Variants in NXPE4 observed in about 807,000 individuals in gnomAD.
The protein encoded by NXPE4 is neurexophilin and PC-esterase domain family member 4.
NXPE4 carries 42 observed loss-of-function variants against 33.3 expected under a neutral mutation model. That is an observed-to-expected ratio of 1.26 (90% confidence interval 0.98 to 1.63). The LOEUF (loss-of-function observed/expected upper bound fraction) is 1.63. NXPE4 is among the 40% of genes most tolerant of loss of function. The pLI, the probability that NXPE4 is intolerant of heterozygous loss-of-function variation, is 0.00. For synonymous variants in NXPE4, 253 were observed against 234.9 expected (o/e 1.08, Z -0.71); for missense variants, 709 against 647.6 (o/e 1.09, Z -1.03).
chr11:114,609,692 G>A, the NXPE4 span, among the ~76,000 whole-genome samples: 31 of 148,802 alleles, frequency 2.1e-4, no homozygotes, highest in African/African-American at 7.2e-4. Context: ...ATTTCCTCAT[G>A]GGTAACCACT....
chr11:114,621,688 G>T, the NXPE4 span, among the ~76,000 whole-genome samples: 1 of 152,064 alleles, frequency 6.6e-6, no homozygotes, highest in South Asian at 2.1e-4. Flanking sequence ...ATGCCTCATT[G>T]GTAACCACTG....
the NXPE4 span, among the ~76,000 whole-genome samples, chr11:114,631,127 G>T: frequency 2.0e-5 from 3 of 151,966 alleles, no homozygotes; most frequent in East Asian, 5.8e-4. Context: ...GATTCTCAGG[G>T]ATCTAGAACT....
the NXPE4 span, among the ~76,000 whole-genome samples, chr11:114,630,094 G>T: frequency 2.0e-5 from 3 of 151,348 alleles, no homozygotes; most frequent in African/African-American, 7.3e-5. Flanking sequence ...TGGCCATACT[G>T]CCCAAGGTAA....
chr11:114,670,097 C>A, the NXPE4 span, among the ~76,000 whole-genome samples: 1 of 151,988 alleles, frequency 6.6e-6, no homozygotes, highest in Non-Finnish European at 1.5e-5. Flanking sequence ...TCAAAAACTG[C>A]CCCTCAAAGG....
intron 2 of NXPE4, among the ~76,000 whole-genome samples, chr11:114,585,754 C>A (rs184413746): frequency 7.8e-4 from 119 of 152,172 alleles, no homozygotes; most frequent in Non-Finnish European, 1.1e-3. Flanking sequence ...AAGGAGCCCC[C>A]AAATCATTTC....
the NXPE4 span, among the ~76,000 whole-genome samples, chr11:114,669,280 A>T: frequency 6.6e-6 from 1 of 152,100 alleles, no homozygotes; most frequent in Non-Finnish European, 1.5e-5. Flanking sequence ...TCTATATCTC[A>T]GTTAGAATGG....
chr11:114,658,633 C>T, the NXPE4 span, among the ~76,000 whole-genome samples: 1 of 152,120 alleles, frequency 6.6e-6, no homozygotes, highest in Non-Finnish European at 1.5e-5. Flanking sequence ...ATGAAGATCC[C>T]TGTGGTTGGG....
At chr11:114,639,517 T>C in the NXPE4 span, among the ~76,000 whole-genome samples, 59,201 of 150,934 alleles carry the variant, frequency 0.39, 12,291 homozygotes, top group African/African-American at 0.5. Flanking sequence ...GAGATGAACC[T>C]GGTACCTCAG....
upstream of NXPE4, among the ~76,000 whole-genome samples, chr11:114,599,285 C>T (rs112643732): frequency 6.6e-6 from 1 of 152,300 alleles, no homozygotes; most frequent in East Asian, 1.9e-4. Context: ...TCCTCATCTC[C>T]TTCTGAGACC....
Position 114,571,451 on chromosome 11 carries a change from A to G in NXPE4, c.1122T>C (p.His374=). ...SINTLKSVDL[H]ESGKLQHQLA... ...GCTGGTGTTGCAATTTTCCAGATTC[A>G]TGCAGATCCACTGACTTCAGTGCTG... Residue 374 remains histidine (H), a synonymous_variant, in exon 6 of 6, where the codon CAT becomes CAC. Coordinates refer to ENST00000375478, the MANE Select transcript of NXPE4 (RefSeq NM_001077639.2). 4 of 1,608,988 alleles carry G rather than the reference A, an allele frequency of 2.5e-6. No homozygotes were observed. Among genetic ancestry groups the G allele is most frequent in the Non-Finnish European group, 3.4e-6 (4 of 1,176,088 alleles).
At chr11:114,597,906 C>T (rs998191786), upstream of NXPE4, among the ~76,000 whole-genome samples, 2 of 152,106 alleles carry the variant, frequency 1.3e-5, no homozygotes, top group South Asian at 4.1e-4. Context: ...TTTCAAAATA[C>T]AATCATGCCT....
the NXPE4 span, among the ~76,000 whole-genome samples, chr11:114,627,200 C>T: frequency 1.3e-4 from 20 of 151,492 alleles, no homozygotes; most frequent in South Asian, 2.1e-4. Context: ...GAAGAGCAAC[C>T]CCAAGACACA....
chr11:114,616,626 C>T, the NXPE4 span, among the ~76,000 whole-genome samples: 1 of 140,132 alleles, frequency 7.1e-6, no homozygotes, highest in Non-Finnish European at 1.6e-5. Flanking sequence ...CCACAGTTAC[C>T]CACTGGATAA....
intron 2 of NXPE4, 76 bp from the exon 3 acceptor site, chr11:114,583,097 A>G (rs1949194932): frequency 6.9e-7 from 1 of 1,440,248 alleles, no homozygotes; most frequent in African/African-American, 1.4e-5. Flanking sequence ...GAAGTGTAAC[A>G]TGCTATGAAA....
chr11:114,598,511 A>G (rs1306774791), upstream of NXPE4, among the ~76,000 whole-genome samples: 1 of 152,238 alleles, frequency 6.6e-6, no homozygotes, highest in Admixed American at 6.5e-5. Context: ...CTGCCTGGAC[A>G]TATAGGCTTT....
upstream of NXPE4, among the ~76,000 whole-genome samples, chr11:114,599,090 T>C (rs193185547): frequency 1.6e-4 from 24 of 152,278 alleles, 1 homozygote; most frequent in Middle Eastern, 0.014. Context: ...CATACGAGCA[T>C]AGGTTGTTAA....
chr11:114,646,439 T>C, the NXPE4 span, among the ~76,000 whole-genome samples: 1 of 152,128 alleles, frequency 6.6e-6, no homozygotes, highest in South Asian at 2.1e-4. Context: ...TTTTCTGTTA[T>C]GAAAACATTC....
At chr11:114,628,302 G>T in the NXPE4 span, among the ~76,000 whole-genome samples, 3 of 151,482 alleles carry the variant, frequency 2.0e-5, no homozygotes, top group African/African-American at 7.3e-5. Context: ...TAAAAGAACA[G>T]AAATTATAAC....
At chr11:114,574,383 A>G (rs1046656456) in intron 5 of NXPE4, among the ~76,000 whole-genome samples, 2 of 152,098 alleles carry the variant, frequency 1.3e-5, no homozygotes, top group Non-Finnish European at 2.9e-5. Context: ...TGAAACTGAA[A>G]CAAAAGTAAT....
Sources: allele counts gnomAD v4.1 joint callset (sites outside exome capture counted in the v4.1 genomes callset), GRCh38; gene constraint gnomAD v4.1.1; transcripts MANE v1.5; gene names NCBI Gene and HGNC (gene_info 2026-07-23, HGNC 2026-07-21).